The following BMP7 variants were observed in gnomAD, a reference collection of about 807,000 sequenced individuals.
The protein encoded by BMP7 is bone morphogenetic protein 7, also known as osteogenic protein 1.
Under a neutral mutation model 41.2 loss-of-function variants are expected in BMP7, and 12 were observed. The ratio of observed to expected loss-of-function variants is 0.29; its 90% CI spans 0.19 to 0.47. The LOEUF (loss-of-function observed/expected upper bound fraction) is 0.47. Ranked by LOEUF, BMP7 falls within the 20% of genes least tolerant of loss-of-function variation. The probability of loss-of-function intolerance (pLI) is 0.99; values close to 1 mark genes in which losing one functional copy is unlikely to be tolerated. For synonymous variants in BMP7, 248 were observed against 250.0 expected, an observed-to-expected ratio of 0.99 and a Z score of 0.07; for missense variants, 467 against 606.0, an observed-to-expected ratio of 0.77 and a Z score of 2.41.
At chr20:57,175,524 C>T (rs948973683) in intron 4 of BMP7, among the ~76,000 whole-genome samples, 12 of 152,224 alleles carry the variant, frequency 7.9e-5, no homozygotes. Context: ...AATGAGACAG[C>T]AGAGAGTCAA....
chr20:57,265,042 A>AAAAAAAAAAAAAAG (rs1555819055), intron 1 of BMP7, among the ~76,000 whole-genome samples: 1 of 120,156 alleles, frequency 8.3e-6, no homozygotes, highest in Non-Finnish European at 1.6e-5. Context: ...AAAAAAAAAA[A>AAAAAAAAAAAAAAG]AAAAGAAAAG....
intron 3 of BMP7, among the ~76,000 whole-genome samples, chr20:57,198,814 G>C (rs921141031): frequency 9.2e-5 from 14 of 152,186 alleles, no homozygotes; most frequent in African/African-American, 3.4e-4. Context: ...GAAGGTCTGC[G>C]ATGGCTGCGC....
chr20:57,230,207 C>T (rs542033443), intron 1 of BMP7, among the ~76,000 whole-genome samples: 1 of 152,290 alleles, frequency 6.6e-6, no homozygotes, highest in African/African-American at 2.4e-5. Flanking sequence ...CACAAGGAAC[C>T]CTTCTCTCCT....
At position 57,173,296 on chromosome 20, in the gene BMP7, C is replaced by T. The variant is rs775245192; in HGVS notation, c.1050G>A (p.Ala350=). 29 of 1,614,078 alleles carry T rather than the reference C, an allele frequency of 1.8e-5. No individual in the cohort carries two copies. The South Asian group carries it at 2.7e-4, about 15-fold the overall frequency. ...RDLGWQDWII[A]PEGYAAYYCE... is the part of the protein sequence containing the mutation. ...AGTAGTAGGCGGCGTAGCCTTCAGG[C>T]GCGATGATCCAGTCCTGAGGAGGAG... Residue 350 remains alanine, a synonymous_variant, in exon 6 of 7, where the codon GCG becomes GCA. Coordinates refer to ENST00000395863, the MANE Select transcript of BMP7 (RefSeq NM_001719.3).
In BMP7 at chr20:57,183,640, T is replaced by G. The variant is rs773777499; in HGVS notation, c.958+82A>C. On this transcript the variant is annotated intron_variant, in intron 4 of 6. Coordinates refer to ENST00000395863, the MANE Select transcript of BMP7 (RefSeq NM_001719.3). ...CATCTGGTGAGCACCTGAATGGATT[T>G]TGAGTCAGTCTCCTGCCGGGTCCCG... The G allele has an allele frequency of 2.5e-6, 4 of 1,577,654 alleles. No individual in the cohort carries two copies. In the African/African-American group the frequency reaches 5.4e-5, roughly 21 times the overall value.
intron 3 of BMP7, among the ~76,000 whole-genome samples, chr20:57,199,881 G>A (rs923628165): frequency 1.3e-5 from 2 of 152,326 alleles, no homozygotes; most frequent in African/African-American, 2.4e-5. Context: ...CACCACACCC[G>A]GCCCCCAGGG....
At chr20:57,184,287 TG>T (rs1266279770) in intron 3 of BMP7, among the ~76,000 whole-genome samples, 2 of 152,038 alleles carry the variant, frequency 1.3e-5, no homozygotes, top group Admixed American at 1.3e-4. Context: ...TTCAGGGAGT[TG>T]GGGGGCAATC....
At position 57,198,419 on chromosome 20, in the gene BMP7, GACAA is replaced by G. The variant is rs1984551894; in HGVS notation, c.760+4052_760+4055del. Among the ~76,000 whole-genome samples the G allele has an allele frequency of 4.6e-5, 7 of 152,302 alleles. No homozygotes were observed. The South Asian group carries it at 1.5e-3, about 32-fold the overall frequency. On this transcript the variant is annotated intron_variant, in intron 3 of 6. Transcript: ENST00000395863. ...CTCCTCTCTTCTGTATTAAGGGAAA[GACAA>G]ACAGACTCCAGCCCTCATTCCTGTA...
chr20:57,205,987 A>C (rs1043445122), intron 2 of BMP7, among the ~76,000 whole-genome samples: 1 of 152,154 alleles, frequency 6.6e-6, no homozygotes, highest in Admixed American at 6.6e-5. Context: ...TTGCTTTCAG[A>C]CTGAGAGCCC....
In BMP7 at chr20:57,173,328, G is replaced by A; in HGVS notation, c.1036-18C>T. 6.2e-7 allele frequency: 1 copy of A among 1,610,604 alleles called. No homozygotes were observed. The highest frequency in any genetic ancestry group is 8.5e-7 in the Non-Finnish European group (1 of 1,177,012). On this transcript the variant is annotated intron_variant, in intron 5 of 6. Transcript: ENST00000395863. ...ATCCAGTCCTGAGGAGGAGAAGAGA[G>A]TGTGGGAAACCATGCAGAAGGCCTG...
chr20:57,172,985 G>T, intron 6 of BMP7: 1 of 617,138 alleles, frequency 1.6e-6, no homozygotes, highest in Non-Finnish European at 2.9e-6. Flanking sequence ...AGAAATAAAT[G>T]AACTCCAGGG....
intron 1 of BMP7, among the ~76,000 whole-genome samples, chr20:57,255,543 T>C (rs2066130636): frequency 6.6e-6 from 1 of 152,224 alleles, no homozygotes; most frequent in Admixed American, 6.5e-5. Flanking sequence ...CTCACGCCTG[T>C]AATCTTAACA....
At chr20:57,180,980 A>T (rs755382361) in intron 4 of BMP7, among the ~76,000 whole-genome samples, 1 of 152,220 alleles carries the variant, frequency 6.6e-6, no homozygotes, top group Non-Finnish European at 1.5e-5. Flanking sequence ...GGCTGCTGCT[A>T]TCCCCTCGCC....
Position 57,175,702 on chromosome 20 carries a change from C to T in BMP7, c.959-695G>A, listed in dbSNP as rs149031749. On this transcript the variant is annotated intron_variant, in intron 4 of 6. Transcript: ENST00000395863. Reference sequence around the variant, plus strand: ...CTGTCTGTCTTGTCTCTCTCTCACACACACTGCAACCTTCCTTCCACCCCA... The same window carrying T: ...CTGTCTGTCTTGTCTCTCTCTCACATACACTGCAACCTTCCTTCCACCCCA... Among the ~76,000 whole-genome samples the T allele has an allele frequency of 4.6e-3, 707 of 152,352 alleles. 5 individuals are homozygous for T. Among genetic ancestry groups the T allele is most frequent in the African/African-American group, 0.016 (680 of 41,582 alleles).
At chr20:57,176,750 T>TCACACACA (rs60465573) in intron 4 of BMP7, among the ~76,000 whole-genome samples, 26,441 of 135,014 alleles carry the variant, frequency 0.2, 2,849 homozygotes, top group East Asian at 0.35. Context: ...CATTCTCCAT[T>TCACACACA]CACACACACA....
At chr20:57,186,975 G>T (rs1984227350) in intron 3 of BMP7, 1 of 152,204 alleles carries the variant, frequency 6.6e-6, no homozygotes, top group Non-Finnish European at 1.5e-5. Context: ...CCTAGGAATT[G>T]TGTTTCCCCC....
intron 2 of BMP7, among the ~76,000 whole-genome samples, chr20:57,227,398 C>T (rs914762371): frequency 6.6e-6 from 1 of 151,772 alleles, no homozygotes; most frequent in African/African-American, 2.4e-5. Flanking sequence ...CCCCACCCCC[C>T]ACCAGCACCA....
At chr20:57,232,238 A>G (rs1028681129) in intron 1 of BMP7, among the ~76,000 whole-genome samples, 1 of 152,100 alleles carries the variant, frequency 6.6e-6, no homozygotes, top group Non-Finnish European at 1.5e-5. Flanking sequence ...GCCCTTTCTC[A>G]TGGAGTTGTT....
rs921894903 is a variant in BMP7 at position 57,266,337 on chromosome 20, C to G, written c.-215G>C. The G allele has an allele frequency of 1.3e-5, 4 of 303,042 alleles. No individual in the cohort carries two copies. The highest frequency in any genetic ancestry group is 1.7e-5 in the Non-Finnish European group (3 of 172,860). The allele number at this position is 303,042 out of a possible 1,614,324, so 18.8% of individuals were successfully genotyped here. A position where few individuals can be genotyped will look rare whatever the true frequency, so the allele number is the denominator to read the frequency against. The stretch of plus-strand genomic sequence containing the variant: ...GGCCCCGGGCCCCTCGCCCCGCACT[C>G]GCCCGGGCGCACCGCAGGGCTTGGA... On this transcript the variant is annotated 5_prime_UTR_variant, in exon 1 of 7. Coordinates refer to ENST00000395863, the MANE Select transcript of BMP7 (RefSeq NM_001719.3).
Sources: gnomAD v4.1 joint callset for allele counts (sites outside exome capture counted in the v4.1 genomes callset) on GRCh38, gnomAD v4.1.1 for gene constraint, MANE v1.5 for transcripts, NCBI Gene and HGNC (gene_info 2026-07-23, HGNC 2026-07-21) for gene names.